The following SLCO1B3 variants were observed in gnomAD, a reference collection of about 807,000 sequenced individuals.
SLCO1B3 encodes solute carrier organic anion transporter family member 1B3, also known as liver-specific organic anion transporter 2.
Under a neutral mutation model 71.8 loss-of-function variants are expected in SLCO1B3, and 72 were observed. The ratio of observed to expected loss-of-function variants is 1.00; its 90% CI spans 0.83 to 1.22. The LOEUF is 1.22. Among genes scored for constraint, SLCO1B3 ranks in the 50% most tolerant of loss-of-function variants. The pLI, the probability that SLCO1B3 is intolerant of heterozygous loss-of-function variation, is 0.00. For missense variants in SLCO1B3, 911 were observed against 819.7 expected (o/e 1.11, Z -1.36); for synonymous variants, 298 against 278.4 (o/e 1.07, Z -0.70).
chr12:20,815,579 A>ATGAT (rs1355685131), intron 2 of SLCO1B3, 95 bp from the exon 3 acceptor site: 5 of 547,988 alleles, frequency 9.1e-6, no homozygotes, highest in African/African-American at 3.8e-5. Flanking sequence ...ATATTAGAGA[A>ATGAT]TGATTGATTG....
At chr12:20,842,481 C>G (rs142274454) in intron 3 of SLCO1B3, among the ~76,000 whole-genome samples, 349 of 145,806 alleles carry the variant, frequency 2.4e-3, no homozygotes, top group African/African-American at 8.1e-3. Flanking sequence ...TCTATTTGGG[C>G]TATTATTTAT....
At chr12:20,845,175 TACAAG>T in intron 3 of SLCO1B3, 1 of 466,638 alleles carries the variant, frequency 2.1e-6, no homozygotes, top group African/African-American at 2.1e-5. Flanking sequence ...TGACCCTATG[TACAAG>T]GTAGCCACAT....
At chr12:20,839,525 T>C (rs939438694) in intron 3 of SLCO1B3, among the ~76,000 whole-genome samples, 1 of 152,176 alleles carries the variant, frequency 6.6e-6, no homozygotes, top group Non-Finnish European at 1.5e-5. Context: ...GCAATTCTTA[T>C]CTTTGTTCCT....
intron 3 of SLCO1B3, among the ~76,000 whole-genome samples, chr12:20,843,173 C>T (rs73233614): frequency 0.017 from 2,543 of 152,174 alleles, 70 homozygotes; most frequent in African/African-American, 0.058. Flanking sequence ...GATACTATCT[C>T]GATTTTCCAT....
intron 3 of SLCO1B3, among the ~76,000 whole-genome samples, chr12:20,844,824 A>G (rs1383913616): frequency 6.6e-6 from 1 of 151,690 alleles, no homozygotes; most frequent in Non-Finnish European, 1.5e-5. Context: ...GAGGCCAGGA[A>G]TTCAAGACCA....
At chr12:20,884,986 A>G (rs140102565) in intron 13 of SLCO1B3, among the ~76,000 whole-genome samples, 1 of 152,252 alleles carries the variant, frequency 6.6e-6, no homozygotes, top group East Asian at 1.9e-4. Flanking sequence ...AGATTCATTA[A>G]CTTATAAAAA....
In SLCO1B3 at chr12:20,839,436, A is replaced by C. The variant is rs551042211; in HGVS notation, c.85-15592A>C. 2.6e-5 allele frequency among the ~76,000 whole-genome samples: 4 copies of C among 152,110 alleles called. No individual in the cohort carries two copies. The South Asian group carries it at 8.3e-4, about 32-fold the overall frequency. ...ATAATTGCACAGGTTTCATAATTTT[A>C]GGTTGTTGTTTTCTATCAATGCTTT... is the stretch of plus-strand genomic sequence containing the variant. On this transcript the variant is annotated intron_variant, in intron 3 of 15. Coordinates refer to ENST00000381545, the MANE Select transcript of SLCO1B3 (RefSeq NM_019844.4).
chr12:20,906,342 G>T (rs959658247), intron 15 of SLCO1B3, among the ~76,000 whole-genome samples: 2 of 152,162 alleles, frequency 1.3e-5, no homozygotes, highest in Non-Finnish European at 2.9e-5. Context: ...GGCTCAGTGT[G>T]GAGAAGGCTG....
Position 20,880,922 on chromosome 12 carries a change from GAA to G in SLCO1B3, c.1401_1402del (p.Gln469ValfsTer27), listed in dbSNP as rs758647195. On this transcript the variant is annotated frameshift_variant, in exon 12 of 16. Transcript: ENST00000381545. LOFTEE classifies it high-confidence loss of function. ...SYCNSECNCD[E>X]SQWEPVCGNN... ...TTGCAACTCAGAGTGCAATTGTGAT[GAA>G]AGTCAGTGGGAACCAGTCTGTGGGA... 4 of 1,611,710 alleles carry G rather than the reference GAA, an allele frequency of 2.5e-6. No individual in the cohort carries two copies. In the African/African-American group the frequency reaches 5.3e-5, roughly 22 times the overall value.
chr12:20,909,096 T>C (rs1052130241), intron 15 of SLCO1B3, among the ~76,000 whole-genome samples: 2 of 152,052 alleles, frequency 1.3e-5, no homozygotes, highest in Non-Finnish European at 2.9e-5. Context: ...TATGTAGTGG[T>C]ATCTCATTGT....
At chr12:20,855,284 C>A in intron 4 of SLCO1B3, 115 bp downstream of exon 4, 1 of 842,694 alleles carries the variant, frequency 1.2e-6, no homozygotes, top group Non-Finnish European at 1.8e-6. Context: ...CTCTCATGGG[C>A]AATTTGGCAA....
rs1354121078 is a variant in SLCO1B3 at position 20,875,262 on chromosome 12, C to T, written c.755C>T (p.Ser252Phe). 1.2e-6 allele frequency: 2 copies of T among 1,613,158 alleles called. No homozygotes were observed. The highest frequency in any genetic ancestry group is 1.3e-5 in the African/African-American group (1 of 74,948). ...LSTIRITPKDSRWVGAWWLGF... is the reference protein window; with the variant it reads ...LSTIRITPKDFRWVGAWWLGF... ...ACTATCAGAATAACTCCTAAGGACT[C>T]TCGTTGGGTTGGAGCTTGGTGGCTT... The change falls in exon 9 of 16, where the codon TCT (serine) becomes TTT (phenylalanine). Residue 252 changes from serine to phenylalanine, a missense_variant. Ser to Phe is a radical substitution (Grantham distance 155, BLOSUM62 -2). Transcript: ENST00000381545.
At chr12:20,889,104 T>A (rs1865850942) in intron 13 of SLCO1B3, among the ~76,000 whole-genome samples, 2 of 151,778 alleles carry the variant, frequency 1.3e-5, no homozygotes, top group South Asian at 4.1e-4. Flanking sequence ...GTTTTTTTTT[T>A]TTTTTGAGGA....
At chr12:20,858,596 A>G in intron 5 of SLCO1B3, 25 bp downstream of exon 5, 1 of 1,572,618 alleles carries the variant, frequency 6.4e-7, no homozygotes. Flanking sequence ...GCTCTGAGCC[A>G]TTTATTATCA....
chr12:20,825,542 T>A (rs1419651511), intron 3 of SLCO1B3, among the ~76,000 whole-genome samples: 1 of 152,054 alleles, frequency 6.6e-6, no homozygotes, highest in Non-Finnish European at 1.5e-5. Flanking sequence ...ATTCTTGTAA[T>A]CCAGGTACTT....
chr12:20,907,705 C>T (rs1008121784), intron 15 of SLCO1B3, among the ~76,000 whole-genome samples: 2 of 151,632 alleles, frequency 1.3e-5, no homozygotes, highest in African/African-American at 2.4e-5. Context: ...GATACGGTTT[C>T]GCCATGTTGG....
intron 1 of SLCO1B3, among the ~76,000 whole-genome samples, chr12:20,811,785 A>G (rs7962265): frequency 0.45 from 68,715 of 152,020 alleles, 17,953 homozygotes; most frequent in South Asian, 0.65. Context: ...TGTTCAGAGC[A>G]AAATATATTA....
At chr12:20,860,858 A>G (rs1263781183) in intron 5 of SLCO1B3, among the ~76,000 whole-genome samples, 159 bp from the exon 6 acceptor site, 1 of 152,006 alleles carries the variant, frequency 6.6e-6, no homozygotes, top group Non-Finnish European at 1.5e-5. Context: ...CCCTCTCATC[A>G]CCTGTTCTGA....
At chr12:20,819,445 G>A (rs533814434) in intron 3 of SLCO1B3, among the ~76,000 whole-genome samples, 3 of 152,270 alleles carry the variant, frequency 2.0e-5, no homozygotes, top group South Asian at 4.1e-4. Context: ...AAGTGAAAGC[G>A]AAGAGAGGCT....
Sources: allele counts gnomAD v4.1 joint callset (sites outside exome capture counted in the v4.1 genomes callset), GRCh38; gene constraint gnomAD v4.1.1; transcripts MANE v1.5; gene names NCBI Gene and HGNC (gene_info 2026-07-23, HGNC 2026-07-21).